Variants in PSMG3 observed in about 807,000 individuals in gnomAD.
The protein encoded by PSMG3 is PAC-3.
Under a neutral mutation model 7.9 loss-of-function variants are expected in PSMG3, and 4 were observed. That is an observed-to-expected ratio of 0.51 (90% CI 0.25 to 1.16). The LOEUF (loss-of-function observed/expected upper bound fraction) is 1.16. PSMG3 is among the 50% of genes most tolerant of loss of function. PSMG3 has a pLI of 0.15. For synonymous variants in PSMG3, 81 were observed against 69.8 expected (o/e 1.16, Z -0.80); for missense variants, 151 against 157.4 (o/e 0.96, Z 0.22).
chr7:1,569,314 G>A lies in PSMG3; in HGVS notation c.26C>T (p.Ser9Leu), dbSNP rs774824741. The A allele has an allele frequency of 4.3e-6, 7 of 1,610,246 alleles. No homozygotes were observed. The highest frequency in any genetic ancestry group is 5.9e-6 in the Non-Finnish European group (7 of 1,178,668). MEDTPLVISKQKTEVVCGV... is the reference protein window; with the variant it reads MEDTPLVILKQKTEVVCGV... ...GCACACCACCTCCGTCTTCTGCTTCGATATCACCAACGGCGTGTCTTCCAT... is the reference window on the plus strand; with the variant it reads ...GCACACCACCTCCGTCTTCTGCTTCAATATCACCAACGGCGTGTCTTCCAT... The change falls in exon 1 of 2, where the codon TCG becomes TTG. Residue 9 changes from serine (S) to leucine (L), a missense_variant. Transcript: ENST00000288607.
chr7:1,568,650 T>C (rs1778818134), intron 1 of PSMG3, among the ~76,000 whole-genome samples: 1 of 150,310 alleles, frequency 6.7e-6, no homozygotes, highest in Non-Finnish European at 1.5e-5. Context: ...TTTCCTTTTC[T>C]TTTCCTTTTT....
At position 1,569,369 on chromosome 7, in the gene PSMG3, T is replaced by A; in HGVS notation, c.-30A>T. On this transcript the variant is annotated 5_prime_UTR_variant, in exon 1 of 2. It removes the in-frame stop codon of an upstream open reading frame in the 5' UTR. Coordinates refer to ENST00000288607, the MANE Select transcript of PSMG3 (RefSeq NM_032302.4). ...GGGCTCTGCAGTGGCAGCTTTAATT[T>A]AGGTTAAAAAGAAAGGGGAAAAAAA... 1 of 1,541,556 alleles carries A rather than the reference T, an allele frequency of 6.5e-7. No individual in the cohort carries two copies. Among genetic ancestry groups the A allele is most frequent in the South Asian group, 1.2e-5 (1 of 85,120 alleles).
rs201644540 is a variant in PSMG3, at chr7:1,569,359, A to G, written c.-20T>C. Reference sequence around the variant, plus strand: ...TTCCATGGCGGGGCTCTGCAGTGGCAGCTTTAATTTAGGTTAAAAAGAAAG... The same window carrying G: ...TTCCATGGCGGGGCTCTGCAGTGGCGGCTTTAATTTAGGTTAAAAAGAAAG... On this transcript the variant is annotated 5_prime_UTR_variant, in exon 1 of 2. Transcript: ENST00000288607. 3 of 1,571,034 alleles carry G rather than the reference A, an allele frequency of 1.9e-6. No individual in the cohort carries two copies. The highest frequency in any genetic ancestry group is 2.6e-6 in the Non-Finnish European group (3 of 1,155,292).
chr7:1,569,024 C>G, intron 1 of PSMG3, 100 bp downstream of exon 1: 1 of 920,080 alleles, frequency 1.1e-6, no homozygotes, highest in Non-Finnish European at 1.7e-6. Flanking sequence ...GTTGCCCAGG[C>G]TGGTTTCAAA....
At position 1,569,604 on chromosome 7, in the gene PSMG3, C is replaced by T. The variant is rs868380380; in HGVS notation, c.-265G>A. ...CAACATAGCGAGACCCCCATCTCTA[C>T]CAAAAAAAAAAAAAAAAAAAACCAG... On this transcript the variant is annotated 5_prime_UTR_variant, in exon 1 of 2. Coordinates refer to ENST00000288607, the MANE Select transcript of PSMG3 (RefSeq NM_032302.4). 104 of 194,530 alleles carry T rather than the reference C, an allele frequency of 5.3e-4. No homozygotes were observed. The highest frequency in any genetic ancestry group is 4.6e-3 in the Middle Eastern group (3 of 648). The allele number at this position is 194,530 out of a possible 1,614,324, so 12.1% of individuals were successfully genotyped here.
At chr7:1,568,280 C>G (rs971660276) in intron 1 of PSMG3, among the ~76,000 whole-genome samples, 3 of 151,812 alleles carry the variant, frequency 2.0e-5, no homozygotes, top group Non-Finnish European at 4.4e-5. Context: ...AAAATGCCTG[C>G]GGGCTGGACA....
chr7:1,568,313 G>C (rs1026949847), intron 1 of PSMG3, among the ~76,000 whole-genome samples: 2 of 152,004 alleles, frequency 1.3e-5, no homozygotes, highest in Non-Finnish European at 2.9e-5. Flanking sequence ...AGGGCAAGCA[G>C]GGCGCCTTGA....
At chr7:1,569,027 G>T in intron 1 of PSMG3, 97 bp downstream of exon 1, 1 of 1,012,420 alleles carries the variant, frequency 9.9e-7, no homozygotes, top group Non-Finnish European at 1.5e-6. Flanking sequence ...GCCCAGGCTG[G>T]TTTCAAACTC....
rs1367066846 is a variant in PSMG3 at position 1,569,202 on chromosome 7, G to C, written c.138C>G (p.Val46=). ...TGGCCACGCTGCTGGGCTCCAGGGA[G>C]ACCAGGGTGCCCATCTTCCCAAACT... ...VTQFGKMGTL[V]SLEPSSVASD... The change falls in exon 1 of 2, where the codon GTC becomes GTG. Residue 46 remains valine (V), a synonymous_variant. Transcript: ENST00000288607. The C allele has an allele frequency of 6.2e-7, 1 of 1,613,660 alleles. No homozygotes were observed. Among genetic ancestry groups the C allele is most frequent in the Non-Finnish European group, 8.5e-7 (1 of 1,180,022 alleles).
chr7:1,567,723 AC>A lies in PSMG3; in HGVS notation c.343del (p.Val115Ter). 6.2e-7 allele frequency: 1 copy of A among 1,613,726 alleles called. No homozygotes were observed. On this transcript the variant is annotated frameshift_variant, in exon 2 of 2. Transcript: ENST00000288607. LOFTEE classifies it high-confidence loss of function. ...SMEGLKALRE[V>X]IRVCQVW is the part of the protein sequence containing the mutation. ...TCACCACACCTGGCACACCCGGATC[AC>A]CTCCCTCAGCGCCTTCAGCCCCTCC...
chr7:1,568,820 A>G (rs1778821590), intron 1 of PSMG3, among the ~76,000 whole-genome samples: 1 of 151,654 alleles, frequency 6.6e-6, no homozygotes, highest in African/African-American at 2.4e-5. Flanking sequence ...GCTAATTTTT[A>G]TATTTTTCGT....
Position 1,569,124 on chromosome 7 carries a change from C to T in PSMG3, c.216G>A (p.Glu72=), listed in dbSNP as rs2128557110. Residue 72 remains glutamate, a splice_region_variant and synonymous_variant, in exon 1 of 2, where the codon GAG becomes GAA. Coordinates refer to ENST00000288607, the MANE Select transcript of PSMG3 (RefSeq NM_032302.4). ...ACAGTTCCCGGCCAATCCACTTTACCTCATCCTGCCCCAGAAGGACTTTTG... is the reference window on the plus strand; with the variant it reads ...ACAGTTCCCGGCCAATCCACTTTACTTCATCCTGCCCCAGAAGGACTTTTG... ...LTTKVLLGQD[E]PLIHVFAKNL... 1 of 1,613,068 alleles carries T rather than the reference C, an allele frequency of 6.2e-7. No individual in the cohort carries two copies. Among genetic ancestry groups the T allele is most frequent in the Non-Finnish European group, 8.5e-7 (1 of 1,179,838 alleles).
chr7:1,569,605 CAAAAAAAA>C lies in PSMG3; in HGVS notation c.-274_-267del. 1 of 101,374 alleles carries C rather than the reference CAAAAAAAA, an allele frequency of 9.9e-6. No homozygotes were observed. The highest frequency in any genetic ancestry group is 2.1e-5 in the Non-Finnish European group (1 of 48,194). The allele number at this position is 101,374 out of a possible 1,614,324, so 6.3% of individuals were successfully genotyped here. A position where few individuals can be genotyped will look rare whatever the true frequency, so the allele number is the denominator to read the frequency against. On this transcript the variant is annotated 5_prime_UTR_variant, in exon 1 of 2. The change creates a premature stop within an existing upstream ORF in the 5' untranslated region. Coordinates refer to ENST00000288607, the MANE Select transcript of PSMG3 (RefSeq NM_032302.4). ...AACATAGCGAGACCCCCATCTCTAC[CAAAAAAAA>C]AAAAAAAAAAAACCAGCAGGGCGCG...
In PSMG3 at chr7:1,569,368, T is replaced by C. The variant is rs977407756; in HGVS notation, c.-29A>G. On this transcript the variant is annotated 5_prime_UTR_variant, in exon 1 of 2. An upstream open reading frame in the 5' UTR loses its in-frame stop. Transcript: ENST00000288607. ...GGGGCTCTGCAGTGGCAGCTTTAAT[T>C]TAGGTTAAAAAGAAAGGGGAAAAAA... The C allele has an allele frequency of 1.1e-5, 17 of 1,544,804 alleles. No individual in the cohort carries two copies. Among genetic ancestry groups the C allele is most frequent in the Non-Finnish European group, 1.4e-5 (16 of 1,139,448 alleles).
At chr7:1,568,255 G>C (rs1463246299) in intron 1 of PSMG3, among the ~76,000 whole-genome samples, 1 of 151,846 alleles carries the variant, frequency 6.6e-6, no homozygotes, top group Non-Finnish European at 1.5e-5. Flanking sequence ...TGCTGCTTCT[G>C]CTTGTCTGCT....
intron 1 of PSMG3, among the ~76,000 whole-genome samples, chr7:1,568,065 C>G (rs1015518147): frequency 9.2e-5 from 14 of 152,134 alleles, no homozygotes; most frequent in African/African-American, 3.4e-4. Flanking sequence ...ATTCATTTTC[C>G]CAGCGCCTTC....
In PSMG3 at chr7:1,567,611, C is replaced by T. The variant is rs772926268; in HGVS notation, c.*87G>A. Reference sequence around the variant, plus strand: ...CTAGTGCCAAAGTTCCTCCCTCCACCGGGGAGGGAGGTGAGACTTGAGTCC... The same window carrying T: ...CTAGTGCCAAAGTTCCTCCCTCCACTGGGGAGGGAGGTGAGACTTGAGTCC... On this transcript the variant is annotated 3_prime_UTR_variant, in exon 2 of 2. Transcript: ENST00000288607. The T allele has an allele frequency of 6.7e-6, 9 of 1,353,182 alleles. No individual in the cohort carries two copies. Among genetic ancestry groups the T allele is most frequent in the South Asian group, 1.4e-5 (1 of 71,024 alleles). The allele number at this position is 1,353,182 out of a possible 1,614,324, so 83.8% of individuals were successfully genotyped here. A position where few individuals can be genotyped will look rare whatever the true frequency, so the allele number is the denominator to read the frequency against.
chr7:1,568,955 A>C (rs7788760), intron 1 of PSMG3, among the ~76,000 whole-genome samples, 169 bp downstream of exon 1: 128,214 of 152,120 alleles, frequency 0.84, 54,403 homozygotes, highest in African/African-American at 0.93. Context: ...GCCTCTCTCT[A>C]TATATATATT....
rs200063968 is a variant in PSMG3, at chr7:1,569,108, G to C, written c.216+16C>G. ...GTTACAGGCGTGAGCCACAGTTCCC[G>C]GCCAATCCACTTTACCTCATCCTGC... On this transcript the variant is annotated intron_variant, in intron 1 of 1. Transcript: ENST00000288607. 1 of 1,610,392 alleles carries C rather than the reference G, an allele frequency of 6.2e-7. No individual in the cohort carries two copies.
Sources: allele counts gnomAD v4.1 joint callset (sites outside exome capture counted in the v4.1 genomes callset), GRCh38; gene constraint gnomAD v4.1.1; transcripts MANE v1.5; gene names NCBI Gene and HGNC (gene_info 2026-07-23, HGNC 2026-07-21).